The following INVS variants were observed in gnomAD, a reference collection of about 807,000 sequenced individuals.
INVS encodes the protein inversin.
Under a neutral mutation model 108.8 loss-of-function variants are expected in INVS, and 86 were observed. The ratio of observed to expected loss-of-function variants is 0.79; its 90% CI spans 0.66 to 0.95. INVS has a LOEUF of 0.95. Among genes scored for constraint, INVS ranks in the 40% least tolerant of loss-of-function variants. INVS has a pLI of 0.00. For synonymous variants in INVS, 455 were observed against 473.5 expected, an observed-to-expected ratio of 0.96 and a Z score of 0.51; for missense variants, 1,169 against 1,297.4, an observed-to-expected ratio of 0.90 and a Z score of 1.52.
At chr9:100,181,092 A>C (rs982670608) in intron 3 of INVS, among the ~76,000 whole-genome samples, 3 of 152,154 alleles carry the variant, frequency 2.0e-5, no homozygotes, top group African/African-American at 7.2e-5. Context: ...TTCATGCTAA[A>C]AACTCTCAAA....
intron 3 of INVS, among the ~76,000 whole-genome samples, chr9:100,204,581 A>G (rs1415835878): frequency 6.6e-6 from 1 of 152,174 alleles, no homozygotes; most frequent in East Asian, 1.9e-4. Flanking sequence ...CATGATTCTC[A>G]CAAAATTCTT....
At chr9:100,284,697 T>C (rs1833383853) in intron 13 of INVS, 94 bp downstream of exon 13, 2 of 1,322,266 alleles carry the variant, frequency 1.5e-6, no homozygotes, top group Non-Finnish European at 2.1e-6. Flanking sequence ...AGATAATTGT[T>C]ATATTAGCAC....
chr9:100,276,684 T>C (rs1207445879), intron 12 of INVS, among the ~76,000 whole-genome samples: 1 of 152,110 alleles, frequency 6.6e-6, no homozygotes, highest in Admixed American at 6.5e-5. Flanking sequence ...AATTTTTGTA[T>C]TTTTAGTAGA....
At chr9:100,264,424 C>T (rs1436633727) in intron 10 of INVS, among the ~76,000 whole-genome samples, 1 of 151,958 alleles carries the variant, frequency 6.6e-6, no homozygotes, top group Non-Finnish European at 1.5e-5. Flanking sequence ...TTGAGACCAG[C>T]CTGGTTAACA....
At chr9:100,141,868 C>T (rs987952412) in intron 3 of INVS, among the ~76,000 whole-genome samples, 1 of 152,068 alleles carries the variant, frequency 6.6e-6, no homozygotes, top group East Asian at 1.9e-4. Flanking sequence ...TATGAAATGA[C>T]GACAGAATAG....
intron 12 of INVS, 87 bp from the exon 13 acceptor site, chr9:100,284,233 C>G: frequency 2.0e-6 from 3 of 1,469,988 alleles, no homozygotes; most frequent in Non-Finnish European, 9.4e-7. Context: ...GATGTAGTAG[C>G]TCCTCTTAAA....
rs531648893 is a variant in INVS at position 100,280,184 on chromosome 9, G to A, written c.1785-4136G>A. ...TAGATTTGGTTTTAGGGGGCTTTGG[G>A]GGAATATCTCTGCCCCACAATAGCC... On this transcript the variant is annotated intron_variant, in intron 12 of 16. Transcript: ENST00000262457. Among the ~76,000 whole-genome samples the A allele has an allele frequency of 2.6e-5, 4 of 152,212 alleles. No individual in the cohort carries two copies. The South Asian group carries it at 8.3e-4, about 32-fold the overall frequency.
chr9:100,140,825 T>C (rs1436230255), intron 3 of INVS, among the ~76,000 whole-genome samples: 2 of 152,048 alleles, frequency 1.3e-5, no homozygotes, highest in African/African-American at 4.8e-5. Flanking sequence ...TCATTTAGAA[T>C]TACTGGTGAT....
At chr9:100,209,032 C>G (rs1830754690) in intron 3 of INVS, among the ~76,000 whole-genome samples, 1 of 152,020 alleles carries the variant, frequency 6.6e-6, no homozygotes, top group African/African-American at 2.4e-5. Context: ...AATGAAGTGC[C>G]CAGATCTGAC....
intron 3 of INVS, chr9:100,175,806 C>G: frequency 1.5e-6 from 1 of 668,882 alleles, no homozygotes; most frequent in South Asian, 1.4e-5. Context: ...TTCCTGAACA[C>G]TCAGACCTGG....
At chr9:100,144,285 T>C (rs1251475075) in intron 3 of INVS, among the ~76,000 whole-genome samples, 1 of 151,826 alleles carries the variant, frequency 6.6e-6, no homozygotes, top group African/African-American at 2.4e-5. Context: ...TGCAACTTTT[T>C]TCTATTATTG....
At chr9:100,221,604 C>G (rs1831153253) in intron 3 of INVS, among the ~76,000 whole-genome samples, 1 of 132,600 alleles carries the variant, frequency 7.5e-6, no homozygotes, top group Admixed American at 7.0e-5. Flanking sequence ...CCCCAAGGTA[C>G]CTGCTAAATT....
intron 2 of INVS, among the ~76,000 whole-genome samples, chr9:100,110,251 C>G (rs1416108668): frequency 1.3e-5 from 2 of 152,130 alleles, no homozygotes; most frequent in Non-Finnish European, 2.9e-5. Flanking sequence ...AACTCATTAA[C>G]TTAACAGTGA....
At chr9:100,117,451 C>T in intron 2 of INVS, 1 of 789,908 alleles carries the variant, frequency 1.3e-6, no homozygotes, top group Non-Finnish European at 2.2e-6. Context: ...TGGTGACGGG[C>T]ATGCACTCCT....
intron 3 of INVS, among the ~76,000 whole-genome samples, chr9:100,225,445 G>A (rs1335256462): frequency 6.6e-6 from 1 of 152,112 alleles, no homozygotes; most frequent in Non-Finnish European, 1.5e-5. Flanking sequence ...TTAACCAGAG[G>A]TCCTGAACAA....
chr9:100,284,361 A>C lies in INVS; in HGVS notation c.1826A>C (p.Gln609Pro), dbSNP rs1456135258. Residue 609 changes from glutamine to proline, a missense_variant, in exon 13 of 17, where the codon CAA becomes CCA. By Grantham distance (76) the Gln-to-Pro change is moderately conservative. Transcript: ENST00000262457. ...AACAAACGAAAAGAGGCAGAACAGC[A>C]AAAAGGAAGGCGGAGCCCAGATTCC... ...EENKRKEAEQ[Q>P]KGRRSPDSCR... The C allele has an allele frequency of 6.2e-7, 1 of 1,613,620 alleles. No homozygotes were observed. Among genetic ancestry groups the C allele is most frequent in the East Asian group, 2.2e-5 (1 of 44,890 alleles).
chr9:100,270,856 C>T (rs898384742), intron 11 of INVS, among the ~76,000 whole-genome samples: 4 of 147,136 alleles, frequency 2.7e-5, no homozygotes, highest in Admixed American at 6.9e-5. Flanking sequence ...CAGGAGGAGT[C>T]GAGGCTGCAG....
At chr9:100,236,717 T>G (rs1324939657) in intron 5 of INVS, among the ~76,000 whole-genome samples, 2 of 152,184 alleles carry the variant, frequency 1.3e-5, no homozygotes, top group African/African-American at 4.8e-5. Context: ...TGCTGCCTGT[T>G]CTTTCCTCTG....
chr9:100,238,446 A>T (rs1222634447), intron 5 of INVS, among the ~76,000 whole-genome samples: 1 of 152,164 alleles, frequency 6.6e-6, no homozygotes, highest in African/African-American at 2.4e-5. Flanking sequence ...TGGCCTTTTT[A>T]AAAAATCCTG....
Sources: allele counts gnomAD v4.1 joint callset (sites outside exome capture counted in the v4.1 genomes callset), GRCh38; gene constraint gnomAD v4.1.1; transcripts MANE v1.5; gene names NCBI Gene and HGNC (gene_info 2026-07-23, HGNC 2026-07-21).